Variants in SPOP observed in about 807,000 individuals in gnomAD.
The protein encoded by SPOP is speckle type BTB/POZ protein.
In SPOP, 11 loss-of-function variants were observed where a neutral mutation model predicts 45.6. The observed-to-expected ratio is 0.24, with a 90% confidence interval of 0.15 to 0.40. SPOP has a LOEUF of 0.40. Among genes scored for constraint, SPOP ranks in the 10% least tolerant of loss-of-function variants. The probability of loss-of-function intolerance (pLI) is 1.00; values close to 1 mark genes in which losing one functional copy is unlikely to be tolerated. For missense variants in SPOP, 152 were observed against 465.6 expected (o/e 0.33, Z 6.20); for synonymous variants, 166 against 166.3 (o/e 1.00, Z 0.01).
In SPOP at chr17:49,620,344, T is replaced by C. The variant is rs140504162; in HGVS notation, c.201-959A>G. Among the ~76,000 whole-genome samples the C allele has an allele frequency of 6.3e-4, 95 of 151,944 alleles. 2 individuals are homozygous for C. In the East Asian group the frequency reaches 0.013, roughly 20 times the overall value. Reference sequence around the variant, plus strand: ...AATACCAGGCGTGCTAGTGGGCACCTGTAATCCCTGCTTCTCTGGAGGCTG... The same window carrying C: ...AATACCAGGCGTGCTAGTGGGCACCCGTAATCCCTGCTTCTCTGGAGGCTG... On this transcript the variant is annotated intron_variant, in intron 3 of 9. Coordinates refer to ENST00000504102, the MANE Select transcript of SPOP (RefSeq NM_001007228.2).
At chr17:49,603,013 T>G (rs1372800522) in intron 8 of SPOP, among the ~76,000 whole-genome samples, 1 of 152,200 alleles carries the variant, frequency 6.6e-6, no homozygotes, top group Non-Finnish European at 1.5e-5. Context: ...CAGTTTGCTT[T>G]GAGGCTATGC....
chr17:49,666,835 AC>A (rs1389045719), intron 1 of SPOP, among the ~76,000 whole-genome samples: 36 of 152,314 alleles, frequency 2.4e-4, no homozygotes, highest in Middle Eastern at 3.4e-3. Flanking sequence ...TCTCAAAAAA[AC>A]AAAACAAATC....
rs116131750 is a variant in SPOP at position 49,637,216 on chromosome 17, C to G, written c.-66-14340G>C. On this transcript the variant is annotated intron_variant, in intron 1 of 9. Transcript: ENST00000504102. Reference sequence around the variant, plus strand: ...TGCCACCGCACTCCAGTCTGGGTGACAGAGTGATACTCTCTCAAAAAAAAC... The same window carrying G: ...TGCCACCGCACTCCAGTCTGGGTGAGAGAGTGATACTCTCTCAAAAAAAAC... 6.3e-3 allele frequency among the ~76,000 whole-genome samples: 957 copies of G among 152,124 alleles called. 12 individuals are homozygous for G. The highest frequency in any genetic ancestry group is 0.022 in the African/African-American group (917 of 41,460).
chr17:49,656,752 G>A (rs1704390779), intron 1 of SPOP, among the ~76,000 whole-genome samples: 1 of 152,136 alleles, frequency 6.6e-6, no homozygotes, highest in Admixed American at 6.6e-5. Flanking sequence ...AATTAACGTA[G>A]GATGCCCAGA....
intron 1 of SPOP, among the ~76,000 whole-genome samples, chr17:49,625,246 T>C (rs1177845243): frequency 6.6e-6 from 1 of 152,186 alleles, no homozygotes; most frequent in Non-Finnish European, 1.5e-5. Flanking sequence ...CTGAAAATCT[T>C]TAGTAGGGGA....
At chr17:49,654,563 T>C (rs907615335) in intron 1 of SPOP, among the ~76,000 whole-genome samples, 10 of 152,162 alleles carry the variant, frequency 6.6e-5, no homozygotes, top group East Asian at 1.9e-4. Flanking sequence ...GGCCAGCGGA[T>C]TGCCTGAGCT....
chr17:49,660,158 T>C (rs1936240751), intron 1 of SPOP, among the ~76,000 whole-genome samples: 1 of 152,224 alleles, frequency 6.6e-6, no homozygotes. Context: ...ACATTTGGAC[T>C]TCCACCAACC....
intron 1 of SPOP, among the ~76,000 whole-genome samples, chr17:49,632,293 C>T (rs2143378395): frequency 6.6e-6 from 1 of 152,270 alleles, no homozygotes; most frequent in Non-Finnish European, 1.5e-5. Flanking sequence ...TTATACCCTT[C>T]CCTGATTAAA....
intron 1 of SPOP, among the ~76,000 whole-genome samples, chr17:49,642,810 T>C (rs1031979710): frequency 2.0e-5 from 3 of 152,366 alleles, no homozygotes; most frequent in African/African-American, 7.2e-5. Flanking sequence ...TTGGTGACTA[T>C]GATGGCATAG....
chr17:49,666,831 AAAAAC>A (rs903992058), intron 1 of SPOP, among the ~76,000 whole-genome samples: 3 of 152,212 alleles, frequency 2.0e-5, no homozygotes, highest in African/African-American at 7.2e-5. Context: ...TCCATCTCAA[AAAAAC>A]AAAACAAATC....
intron 1 of SPOP, among the ~76,000 whole-genome samples, chr17:49,666,853 T>C (rs2143557334): frequency 6.6e-6 from 1 of 151,808 alleles, no homozygotes; most frequent in South Asian, 2.1e-4. Context: ...AATCTAAAAC[T>C]CAGTTTGATA....
chr17:49,619,756 C>CTTGA lies in SPOP; in HGVS notation c.201-372_201-371insTCAA, dbSNP rs1303949284. ...CCCAGGCTGGTCTTGAATGCTTGAG[C>CTTGA]TCAAGCGATCCGTCTGCCTCAGCCT... On this transcript the variant is annotated intron_variant, in intron 3 of 9. Coordinates refer to ENST00000504102, the MANE Select transcript of SPOP (RefSeq NM_001007228.2). This position sits in a 1 kb window ranked among gnomAD's most constrained non-coding sequence, Gnocchi z 4.9. Among the ~76,000 whole-genome samples, 5 of 152,156 alleles carry CTTGA rather than the reference C, an allele frequency of 3.3e-5. No homozygotes were observed. Among genetic ancestry groups the CTTGA allele is most frequent in the African/African-American group, 1.2e-4 (5 of 41,436 alleles).
chr17:49,631,735 C>T lies in SPOP; in HGVS notation c.-66-8859G>A, dbSNP rs1437426849. 7.2e-5 allele frequency among the ~76,000 whole-genome samples: 11 copies of T among 152,172 alleles called. 1 individual carries two copies. The highest frequency in any genetic ancestry group is 1.5e-5 in the Non-Finnish European group (1 of 68,030). ...AGTCACTCAGGGCTTTAACTCTAAT[C>T]CACAAACACATTGGGCTCTTTCCTC... On this transcript the variant is annotated intron_variant, in intron 1 of 9. Transcript: ENST00000504102.
rs536928300 is a variant in SPOP at position 49,609,194 on chromosome 17, C to A, written c.659-1265G>T. On this transcript the variant is annotated intron_variant, in intron 6 of 9. Transcript: ENST00000504102. ...AAAGTGCTGGGATTATAGGCATGAG[C>A]CACTGCACCCGGCCTAGCTCTGCCA... 1.2e-4 allele frequency among the ~76,000 whole-genome samples: 19 copies of A among 152,196 alleles called. No individual in the cohort carries two copies. The South Asian group carries it at 3.3e-3, about 27-fold the overall frequency.
chr17:49,620,503 A>C, intron 3 of SPOP: 1 of 151,366 alleles, frequency 6.6e-6, no homozygotes, highest in East Asian at 1.9e-4. Flanking sequence ...ATAATCTTTT[A>C]TAGATAATAA....
intron 8 of SPOP, among the ~76,000 whole-genome samples, chr17:49,602,844 T>C (rs147247850): frequency 6.6e-6 from 1 of 152,360 alleles, no homozygotes; most frequent in East Asian, 1.9e-4. Flanking sequence ...CCTAGGTTAA[T>C]GCTGGGCACA....
At chr17:49,633,175 T>C (rs1335466314) in intron 1 of SPOP, among the ~76,000 whole-genome samples, 2 of 152,206 alleles carry the variant, frequency 1.3e-5, no homozygotes, top group Non-Finnish European at 1.5e-5. Context: ...TCTAAAATGA[T>C]TGTGAGGATT....
chr17:49,657,319 G>A (rs1303881559), intron 1 of SPOP, among the ~76,000 whole-genome samples: 1 of 152,064 alleles, frequency 6.6e-6, no homozygotes, highest in African/African-American at 2.4e-5. Context: ...ATATTGTACA[G>A]CAATTCTACT....
At chr17:49,651,179 T>C (rs1413744947) in intron 1 of SPOP, among the ~76,000 whole-genome samples, 2 of 152,208 alleles carry the variant, frequency 1.3e-5, no homozygotes, top group African/African-American at 4.8e-5. Context: ...CCAATAATGA[T>C]TGATAAATTG....
Sources: allele counts gnomAD v4.1 joint callset (sites outside exome capture counted in the v4.1 genomes callset), GRCh38; gene constraint gnomAD v4.1.1; non-coding constraint Gnocchi (gnomAD v3.1); transcripts MANE v1.5; gene names NCBI Gene and HGNC (gene_info 2026-07-23, HGNC 2026-07-21).